The following TECRL variants were observed in gnomAD, a reference collection of about 807,000 sequenced individuals.
TECRL encodes trans-2,3-enoyl-CoA reductase like.
Under a neutral mutation model 52.8 loss-of-function variants are expected in TECRL, and 63 were observed. That is an observed-to-expected ratio of 1.19 (90% CI 0.97 to 1.47). TECRL has a LOEUF of 1.47. Ranked by LOEUF, TECRL falls within the 40% of genes most tolerant of loss-of-function variation. The pLI is 0.00. For missense variants in TECRL, 482 were observed against 429.6 expected (o/e 1.12, Z -1.08); for synonymous variants, 164 against 141.9 (o/e 1.16, Z -1.10).
At chr4:64,326,436 A>G (rs1257615667) in intron 3 of TECRL, among the ~76,000 whole-genome samples, 1 of 152,116 alleles carries the variant, frequency 6.6e-6, no homozygotes, top group East Asian at 1.9e-4. Context: ...CTTCTCAGTG[A>G]TAGCTGTTCT....
chr4:64,291,292 T>C (rs951552095), intron 8 of TECRL, among the ~76,000 whole-genome samples: 1 of 152,042 alleles, frequency 6.6e-6, no homozygotes, highest in Non-Finnish European at 1.5e-5. Flanking sequence ...CTTCCACAGA[T>C]TATCCTACAG....
intron 1 of TECRL, among the ~76,000 whole-genome samples, chr4:64,405,141 T>TA (rs1016479004): frequency 1.3e-5 from 2 of 152,070 alleles, no homozygotes; most frequent in African/African-American, 4.8e-5. Flanking sequence ...GGAAGCATAA[T>TA]AAAAAATGTT....
chr4:64,277,184 GA>G, downstream of TECRL: 1 of 551,828 alleles, frequency 1.8e-6, no homozygotes, highest in South Asian at 3.3e-5. Context: ...TGGCATAAGG[GA>G]GTGTAGTATA....
At chr4:64,336,166 G>A (rs1385689006) in intron 2 of TECRL, among the ~76,000 whole-genome samples, 1 of 151,914 alleles carries the variant, frequency 6.6e-6, no homozygotes, top group African/African-American at 2.4e-5. Context: ...TTGGTAAGCT[G>A]TTAATTATTG....
intron 1 of TECRL, among the ~76,000 whole-genome samples, chr4:64,385,768 G>A (rs755244215): frequency 1.3e-4 from 20 of 152,128 alleles, no homozygotes; most frequent in Admixed American, 7.9e-4. Context: ...TAATGTCATC[G>A]TGTGGACTCC....
intron 8 of TECRL, among the ~76,000 whole-genome samples, chr4:64,297,503 T>TCGA (rs2109967056): frequency 6.6e-6 from 1 of 151,122 alleles, no homozygotes; most frequent in Admixed American, 6.6e-5. Context: ...TTATATAAGA[T>TCGA]CGATCCATTA....
chr4:64,335,531 C>T (rs923760451), intron 2 of TECRL, among the ~76,000 whole-genome samples: 4 of 152,110 alleles, frequency 2.6e-5, no homozygotes, highest in Non-Finnish European at 4.4e-5. Flanking sequence ...CTTGAATCAC[C>T]GTGAAACCAC....
At chr4:64,367,603 A>T (rs1721688539) in intron 2 of TECRL, among the ~76,000 whole-genome samples, 1 of 152,112 alleles carries the variant, frequency 6.6e-6, no homozygotes, top group Non-Finnish European at 1.5e-5. Flanking sequence ...CCAGTATTTT[A>T]TTGCAATCAC....
chr4:64,368,037 T>G (rs1050919645), intron 2 of TECRL, among the ~76,000 whole-genome samples: 2 of 152,060 alleles, frequency 1.3e-5, no homozygotes, highest in Non-Finnish European at 2.9e-5. Flanking sequence ...AAGCCACATA[T>G]ACTATGAAAA....
intron 1 of TECRL, among the ~76,000 whole-genome samples, chr4:64,408,757 T>C (rs1437057261): frequency 6.6e-6 from 1 of 152,124 alleles, no homozygotes; most frequent in African/African-American, 2.4e-5. Flanking sequence ...ATAATTTGTA[T>C]ATACAATGAA....
At chr4:64,305,288 T>C (rs774126184) in intron 6 of TECRL, 50 bp from the exon 7 acceptor site, 15 of 1,525,894 alleles carry the variant, frequency 9.8e-6, no homozygotes, top group Non-Finnish European at 1.4e-5. Flanking sequence ...ATGTAATATA[T>C]ATTTCAATTG....
At chr4:64,337,220 T>G (rs944672561) in intron 2 of TECRL, among the ~76,000 whole-genome samples, 1 of 152,134 alleles carries the variant, frequency 6.6e-6, no homozygotes, top group Non-Finnish European at 1.5e-5. Flanking sequence ...TTGACAAAAT[T>G]CAGCAGCCCT....
At position 64,317,916 on chromosome 4, in the gene TECRL, C is replaced by A. The variant is rs189741155; in HGVS notation, c.436-3153G>T. On this transcript the variant is annotated intron_variant, in intron 4 of 11. Transcript: ENST00000381210. ...TGATAAGAACAGATTTTTGATGGGG[C>A]CTGGGAATAAAAAAACAAAAACAGT... Among the ~76,000 whole-genome samples, 416 of 152,016 alleles carry A rather than the reference C, an allele frequency of 2.7e-3. 2 individuals carry two copies. Among genetic ancestry groups the A allele is most frequent in the African/African-American group, 9.3e-3 (384 of 41,480 alleles).
chr4:64,279,595 G>A lies in TECRL; in HGVS notation c.*477C>T. 1 of 199,490 alleles carries A rather than the reference G, an allele frequency of 5.0e-6. No homozygotes were observed. Among genetic ancestry groups the A allele is most frequent in the Non-Finnish European group, 9.0e-6 (1 of 111,502 alleles). The allele number at this position is 199,490 out of a possible 1,614,324, so 12.4% of individuals were successfully genotyped here. ...CATATTTTTTGTCTTTTTGAAAATA[G>A]TCACCTTAATTAGGATGAGATGATA... On this transcript the variant is annotated 3_prime_UTR_variant, in exon 12 of 12. Transcript: ENST00000381210.
At chr4:64,404,095 ATCCTGTAATTATT>A (rs1724551289) in intron 1 of TECRL, among the ~76,000 whole-genome samples, 1 of 151,942 alleles carries the variant, frequency 6.6e-6, no homozygotes, top group African/African-American at 2.4e-5. Context: ...CACTCTTACT[ATCCTGTAATTATT>A]TCTACTGTTT....
In TECRL at chr4:64,399,350, T is replaced by C. The variant is rs943386938; in HGVS notation, c.234+9768A>G. 3.9e-5 allele frequency among the ~76,000 whole-genome samples: 6 copies of C among 152,118 alleles called. No homozygotes were observed. The East Asian group carries it at 7.7e-4, about 20-fold the overall frequency. ...ATTTAAAAGAGAAGCAGAGCATAAA[T>C]GTTTGCAAAAAAAATGTAGCCTGGC... On this transcript the variant is annotated intron_variant, in intron 1 of 11. Coordinates refer to ENST00000381210, the MANE Select transcript of TECRL (RefSeq NM_001010874.5).
chr4:64,301,039 G>C (rs1223644718), intron 7 of TECRL, among the ~76,000 whole-genome samples: 1 of 150,682 alleles, frequency 6.6e-6, no homozygotes, highest in Non-Finnish European at 1.5e-5. Context: ...TAAATATTTT[G>C]CATAGATATA....
chr4:64,393,513 G>A (rs961072495), intron 1 of TECRL, among the ~76,000 whole-genome samples: 1 of 151,946 alleles, frequency 6.6e-6, no homozygotes, highest in Non-Finnish European at 1.5e-5. Flanking sequence ...ATTCCTCCTT[G>A]TAAGAGGAGT....
chr4:64,392,099 A>T (rs576510014), intron 1 of TECRL, among the ~76,000 whole-genome samples: 1 of 151,996 alleles, frequency 6.6e-6, no homozygotes, highest in African/African-American at 2.4e-5. Flanking sequence ...TTTAGAATCT[A>T]TACTGACAAA....
Sources: gnomAD v4.1 joint callset for allele counts (sites outside exome capture counted in the v4.1 genomes callset) on GRCh38, gnomAD v4.1.1 for gene constraint, MANE v1.5 for transcripts, NCBI Gene and HGNC (gene_info 2026-07-23, HGNC 2026-07-21) for gene names.